The following SYNE1 variants were observed in gnomAD, a reference collection of about 807,000 sequenced individuals.
The protein encoded by SYNE1 is nesprin-1.
A neutral mutation model predicts 1,111.0 loss-of-function variants in SYNE1; 616 were observed. The observed-to-expected ratio is 0.55, with a 90% CI of 0.52 to 0.59. The LOEUF is 0.59. SYNE1 is among the 20% of genes least tolerant of loss of function. The pLI, the probability that SYNE1 is intolerant of heterozygous loss-of-function variation, is 0.00. For missense variants in SYNE1, 10,006 were observed against 10,417.0 expected (o/e 0.96, Z 1.72); for synonymous variants, 3,855 against 3,825.8 (o/e 1.01, Z -0.28).
At chr6:152,382,710 AT>A (rs1277565399) in intron 55 of SYNE1, among the ~76,000 whole-genome samples, 2 of 152,196 alleles carry the variant, frequency 1.3e-5, no homozygotes, top group African/African-American at 4.8e-5. Context: ...ATAGACCTTA[AT>A]ACTTGTAATT....
intron 127 of SYNE1, among the ~76,000 whole-genome samples, chr6:152,190,431 T>C (rs918861330): frequency 1.3e-5 from 2 of 152,216 alleles, no homozygotes; most frequent in Non-Finnish European, 2.9e-5. Flanking sequence ...GAATCATGAA[T>C]GTTGCTTTTG....
At chr6:152,136,229 G>A (rs1415575590) in intron 141 of SYNE1, among the ~76,000 whole-genome samples, 1 of 152,200 alleles carries the variant, frequency 6.6e-6, no homozygotes, top group South Asian at 2.1e-4. Context: ...CGCCCAGCAA[G>A]TAATTACAGT....
In SYNE1 at chr6:152,442,117, A is replaced by T. The variant is rs543621266; in HGVS notation, c.3966T>A (p.Asp1322Glu). ...EELRKLESTL[D>E]GLERSRERQE... ...GCCTCTCCCGGCTGCGCTCCAGGCC[A>T]TCCAGTGTGCTCTCCAGCTTCCGCA... Residue 1322 changes from aspartate (D) to glutamate (E), a missense_variant, in exon 31 of 146, where the codon GAT becomes GAA. Asp to Glu is a conservative substitution (Grantham distance 45). Coordinates refer to ENST00000367255, the MANE Select transcript of SYNE1 (RefSeq NM_182961.4). 6.2e-7 allele frequency: 1 copy of T among 1,614,058 alleles called. No homozygotes were observed. The highest frequency in any genetic ancestry group is 8.5e-7 in the Non-Finnish European group (1 of 1,180,014).
intron 76 of SYNE1, among the ~76,000 whole-genome samples, chr6:152,334,598 G>A (rs2096337028): frequency 6.6e-6 from 1 of 152,160 alleles, no homozygotes; most frequent in Non-Finnish European, 1.5e-5. Context: ...ACCTTGAAGT[G>A]CGGCCTTTGT....
intron 3 of SYNE1, among the ~76,000 whole-genome samples, chr6:152,590,888 A>G (rs1322517): frequency 0.63 from 96,447 of 152,094 alleles, 31,506 homozygotes; most frequent in African/African-American, 0.78. Flanking sequence ...GGTTCCACAG[A>G]AATTTTAGAA....
rs1275065218 is a variant in SYNE1, at chr6:152,391,544, C to T, written c.7737G>A (p.Gln2579=). Residue 2579 remains glutamine, a synonymous_variant, in exon 52 of 146, where the codon CAG becomes CAA. Coordinates refer to ENST00000367255, the MANE Select transcript of SYNE1 (RefSeq NM_182961.4). ...CTTCTTCACTCAGAAGCTGCCCTCT[C>T]TGGGAAAGCTTATCAAGAGACTCTC... ...AARESLDKLS[Q]RGQLLSEEGH... is the part of the protein sequence containing the mutation. 4 of 1,519,730 alleles carry T rather than the reference C, an allele frequency of 2.6e-6. No individual in the cohort carries two copies. In the Admixed American group the frequency reaches 7.1e-5, roughly 27 times the overall value. The allele number at this position is 1,519,730 out of a possible 1,614,324, so 94.1% of individuals were successfully genotyped here. A position where few individuals can be genotyped will look rare whatever the true frequency, so the allele number is the denominator to read the frequency against.
At chr6:152,371,212 G>T (rs911952257) in intron 59 of SYNE1, among the ~76,000 whole-genome samples, 6 of 152,042 alleles carry the variant, frequency 3.9e-5, no homozygotes, top group African/African-American at 1.4e-4. Context: ...ATCCCCATGT[G>T]TCTTGGGAGG....
intron 3 of SYNE1, among the ~76,000 whole-genome samples, chr6:152,586,800 A>C (rs1190372306): frequency 6.6e-6 from 1 of 152,284 alleles, no homozygotes; most frequent in East Asian, 1.9e-4. Context: ...TTATATTAAT[A>C]TAATTCATAA....
chr6:152,211,751 T>C (rs949340884), intron 123 of SYNE1, among the ~76,000 whole-genome samples, 163 bp from the exon 124 acceptor site: 1 of 152,206 alleles, frequency 6.6e-6, no homozygotes, highest in Non-Finnish European at 1.5e-5. Context: ...CATTTATTTT[T>C]AAATCATCAA....
intron 3 of SYNE1, among the ~76,000 whole-genome samples, chr6:152,597,535 C>T (rs1001254347): frequency 1.3e-5 from 2 of 152,132 alleles, no homozygotes; most frequent in Non-Finnish European, 2.9e-5. Context: ...GATCCTCATG[C>T]CTTGGCCTCC....
At chr6:152,233,218 G>T (rs1295639697) in intron 112 of SYNE1, among the ~76,000 whole-genome samples, 1 of 152,142 alleles carries the variant, frequency 6.6e-6, no homozygotes, top group Non-Finnish European at 1.5e-5. Context: ...AGACAAAACA[G>T]AGTTTAAACA....
chr6:152,397,576 C>T (rs893099747), intron 49 of SYNE1, among the ~76,000 whole-genome samples: 16 of 152,216 alleles, frequency 1.1e-4, no homozygotes, highest in African/African-American at 3.9e-4. Context: ...GAATTCTCCA[C>T]ACCTCCTGCA....
rs531985958 is a variant in SYNE1, at chr6:152,192,880, C to A, written c.23146-3473G>T. 6.6e-5 allele frequency among the ~76,000 whole-genome samples: 10 copies of A among 152,094 alleles called. No individual in the cohort carries two copies. The East Asian group carries it at 1.4e-3, about 21-fold the overall frequency. Reference sequence around the variant, plus strand: ...CCTATTTTGTCTGATATAAGTATAGCTATTCCTGCCCTTTTTGCTTTCCAT... The same window carrying A: ...CCTATTTTGTCTGATATAAGTATAGATATTCCTGCCCTTTTTGCTTTCCAT... On this transcript the variant is annotated intron_variant, in intron 127 of 145. Transcript: ENST00000367255.
chr6:152,259,474 G>C (rs768214822), intron 101 of SYNE1, among the ~76,000 whole-genome samples: 2 of 152,124 alleles, frequency 1.3e-5, no homozygotes, highest in African/African-American at 4.8e-5. Context: ...AAATGTGCCT[G>C]TTTTTACATA....
At position 152,268,094 on chromosome 6, in the gene SYNE1, T is replaced by C; in HGVS notation, c.18777A>G (p.Leu6259=). 1 of 1,614,068 alleles carries C rather than the reference T, an allele frequency of 6.2e-7. No homozygotes were observed. Residue 6259 remains leucine, a synonymous_variant, in exon 100 of 146, where the codon CTA becomes CTG. Transcript: ENST00000367255. ...RSVASRGEEI[L]IQHSAAETSG... ...AGGTCTCTGCCGCCGAATGTTGAAT[T>C]AGAATCTCCTCTCCACGACTGGCTA...
chr6:152,295,735 C>T (rs574158449), intron 93 of SYNE1, among the ~76,000 whole-genome samples: 14 of 152,240 alleles, frequency 9.2e-5, no homozygotes, highest in Middle Eastern at 3.4e-3. Context: ...TATTCACACT[C>T]ACCCTTATCT....
chr6:152,376,812 C>CT lies in SYNE1; in HGVS notation c.9109dup (p.Ser3037LysfsTer9). 1 of 1,614,094 alleles carries CT rather than the reference C, an allele frequency of 6.2e-7. No individual in the cohort carries two copies. The highest frequency in any genetic ancestry group is 1.7e-4 in the Middle Eastern group (1 of 6,050). On this transcript the variant is annotated frameshift_variant, in exon 57 of 146. Transcript: ENST00000367255. LOFTEE classifies it high-confidence loss of function. The stretch of plus-strand genomic sequence containing the variant: ...TTTAATCAAGCCAGAAACTTTTCCA[C>CT]TGTAGGTACTCAGGTCTCTGGAAAA...
intron 78 of SYNE1, 77 bp downstream of exon 78, chr6:152,329,653 C>G: frequency 6.3e-7 from 1 of 1,596,702 alleles, no homozygotes; most frequent in Non-Finnish European, 8.6e-7. Flanking sequence ...CAATTATAAC[C>G]AAGCAAACGA....
At chr6:152,150,547 G>T (rs759532540) in intron 135 of SYNE1, among the ~76,000 whole-genome samples, 1 of 152,120 alleles carries the variant, frequency 6.6e-6, no homozygotes, top group African/African-American at 2.4e-5. Flanking sequence ...CCATGTCTAC[G>T]GGCAAGTTCC....
Sources: gnomAD v4.1 joint callset for allele counts (sites outside exome capture counted in the v4.1 genomes callset) on GRCh38, gnomAD v4.1.1 for gene constraint, MANE v1.5 for transcripts, NCBI Gene and HGNC (gene_info 2026-07-23, HGNC 2026-07-21) for gene names.